The following GALNT2 variants were observed in gnomAD, a reference collection of about 807,000 sequenced individuals.
The protein encoded by GALNT2 is UDP-GalNAc:polypeptide N-acetylgalactosaminyltransferase 2.
GALNT2 carries 31 observed loss-of-function variants against 81.4 expected under a neutral mutation model. The ratio of observed to expected loss-of-function variants is 0.38; its 90% CI spans 0.29 to 0.51. GALNT2 has a LOEUF of 0.51. GALNT2 is among the 20% of genes least tolerant of loss of function. The pLI is 0.87. For missense variants in GALNT2, 629 were observed against 765.7 expected (o/e 0.82, Z 2.11); for synonymous variants, 303 against 287.4 (o/e 1.05, Z -0.55).
In GALNT2 at chr1:230,243,389, G is replaced by A. The variant is rs775654688; in HGVS notation, c.691G>A (p.Glu231Lys). The part of the protein sequence containing the change: ...TFLDSHCECN[E>K]HWLEPLLERV... ...CCTGGACAGTCACTGCGAGTGTAAT[G>A]AGCACTGGCTGGAGCCCCTCCTGGA... Residue 231 changes from glutamate to lysine, a missense_variant, in exon 7 of 16, where the codon GAG (glutamate) becomes AAG (lysine). Transcript: ENST00000366672. The surrounding 1 kb of genome is among the most constrained non-coding windows in gnomAD (Gnocchi z 4.2). 1.9e-6 allele frequency: 3 copies of A among 1,612,734 alleles called. No individual in the cohort carries two copies. The highest frequency in any genetic ancestry group is 1.1e-5 in the South Asian group (1 of 91,034).
chr1:230,169,428 T>G (rs1413278948), intron 1 of GALNT2, among the ~76,000 whole-genome samples: 1 of 152,198 alleles, frequency 6.6e-6, no homozygotes, highest in East Asian at 1.9e-4. Context: ...GCCAGTGCAT[T>G]TGCAAACTAT....
intron 6 of GALNT2, 45 bp downstream of exon 6, chr1:230,236,770 T>C (rs563924214): frequency 6.8e-5 from 106 of 1,560,668 alleles, no homozygotes; most frequent in Non-Finnish European, 8.9e-5. Context: ...GAATTCTGAC[T>C]TTTCCTGTAA....
At chr1:230,215,254 C>T (rs1664353511) in intron 3 of GALNT2, among the ~76,000 whole-genome samples, 2 of 152,204 alleles carry the variant, frequency 1.3e-5, no homozygotes, top group South Asian at 4.1e-4. Context: ...TCCACAGCAC[C>T]TCCAGAAGCT....
intron 1 of GALNT2, among the ~76,000 whole-genome samples, chr1:230,165,109 A>G (rs1398869504): frequency 6.6e-6 from 1 of 152,278 alleles, no homozygotes; most frequent in Non-Finnish European, 1.5e-5. Context: ...ATTCATGAAG[A>G]TAATTAAAGA....
intron 1 of GALNT2, among the ~76,000 whole-genome samples, chr1:230,101,667 G>A (rs561212248): frequency 2.0e-4 from 31 of 152,358 alleles, no homozygotes; most frequent in Admixed American, 5.9e-4. Flanking sequence ...CAACATAAGA[G>A]TGATGGAGGA....
chr1:230,087,554 A>T (rs550227517), intron 1 of GALNT2, among the ~76,000 whole-genome samples: 1 of 152,224 alleles, frequency 6.6e-6, no homozygotes, highest in Non-Finnish European at 1.5e-5. Flanking sequence ...TGAGCTGTAG[A>T]TGCCTATCAC....
At chr1:230,157,253 A>G (rs575961492) in intron 1 of GALNT2, among the ~76,000 whole-genome samples, 3 of 152,222 alleles carry the variant, frequency 2.0e-5, no homozygotes, top group Non-Finnish European at 4.4e-5. Context: ...CGTAAGCACC[A>G]TTATAGCAAA....
At chr1:230,140,566 CG>C in intron 1 of GALNT2, among the ~76,000 whole-genome samples, 1 of 152,128 alleles carries the variant, frequency 6.6e-6, no homozygotes, top group East Asian at 1.9e-4. Context: ...CAGTGGTGCT[CG>C]GGAAACTTCC....
chr1:230,184,394 T>C (rs1473888767), intron 2 of GALNT2, among the ~76,000 whole-genome samples: 1 of 152,046 alleles, frequency 6.6e-6, no homozygotes, highest in Non-Finnish European at 1.5e-5. Context: ...TTTCACCACA[T>C]TAGGCAGGAT....
At position 230,231,778 on chromosome 1, in the gene GALNT2, G is replaced by C. The variant is rs941339168; in HGVS notation, c.375-4236G>C. 2.0e-5 allele frequency among the ~76,000 whole-genome samples: 3 copies of C among 152,166 alleles called. No individual in the cohort carries two copies. In the East Asian group the frequency reaches 5.8e-4, roughly 29 times the overall value. ...TTTAAAGCCTCCATTTTACCGAACAGGAAGTTTGCAGAATGATCACATTAG... is the reference window on the plus strand; with the variant it reads ...TTTAAAGCCTCCATTTTACCGAACACGAAGTTTGCAGAATGATCACATTAG... On this transcript the variant is annotated intron_variant, in intron 3 of 15. Transcript: ENST00000366672.
At chr1:230,252,446 C>G (rs1468927602) in intron 10 of GALNT2, among the ~76,000 whole-genome samples, 1 of 152,182 alleles carries the variant, frequency 6.6e-6, no homozygotes, top group Admixed American at 6.5e-5. Flanking sequence ...GGGGCATCAT[C>G]TGTGTTTCTC....
intron 3 of GALNT2, among the ~76,000 whole-genome samples, chr1:230,228,649 G>A (rs1664785357): frequency 6.6e-6 from 1 of 152,012 alleles, no homozygotes; most frequent in Non-Finnish European, 1.5e-5. Flanking sequence ...GGTCATCTGT[G>A]TGTGTAACCC....
intron 1 of GALNT2, among the ~76,000 whole-genome samples, chr1:230,110,072 C>T (rs1660658464): frequency 6.6e-6 from 1 of 152,222 alleles, no homozygotes; most frequent in South Asian, 2.1e-4. Flanking sequence ...GTGCCTCCCA[C>T]AGGCTGATGC....
intron 1 of GALNT2, among the ~76,000 whole-genome samples, chr1:230,124,601 T>A (rs1222645411): frequency 6.6e-6 from 1 of 152,200 alleles, no homozygotes; most frequent in Non-Finnish European, 1.5e-5. Context: ...GCACTTCTCA[T>A]TGGAGTGATT....
At chr1:230,108,946 T>G (rs79759204) in intron 1 of GALNT2, among the ~76,000 whole-genome samples, 3 of 49,760 alleles carry the variant, frequency 6.0e-5, no homozygotes, top group African/African-American at 1.6e-4. Context: ...TCAGAATTGT[T>G]AAGTCGAGCC....
At chr1:230,261,322 C>G (rs1348709357) in intron 11 of GALNT2, among the ~76,000 whole-genome samples, 1 of 152,050 alleles carries the variant, frequency 6.6e-6, no homozygotes, top group Non-Finnish European at 1.5e-5. Flanking sequence ...GATATAGGCC[C>G]CATACAGAAA....
intron 1 of GALNT2, among the ~76,000 whole-genome samples, chr1:230,166,381 A>G (rs1662604252): frequency 6.6e-6 from 1 of 152,236 alleles, no homozygotes; most frequent in Admixed American, 6.5e-5. Context: ...CACATTTTGC[A>G]TGGTGTGCCT....
chr1:230,211,940 C>A (rs1459536986), intron 3 of GALNT2, among the ~76,000 whole-genome samples: 1 of 152,112 alleles, frequency 6.6e-6, no homozygotes, highest in Admixed American at 6.5e-5. Context: ...AGGATGTGAG[C>A]TCAGTTTGCA....
At chr1:230,126,994 C>G (rs1384705175) in intron 1 of GALNT2, among the ~76,000 whole-genome samples, 1 of 152,188 alleles carries the variant, frequency 6.6e-6, no homozygotes, top group African/African-American at 2.4e-5. Flanking sequence ...TTTCCTCTTC[C>G]TGGTAGTGGG....
Sources: allele counts gnomAD v4.1 joint callset (sites outside exome capture counted in the v4.1 genomes callset), GRCh38; gene constraint gnomAD v4.1.1; non-coding constraint Gnocchi (gnomAD v3.1); transcripts MANE v1.5; gene names NCBI Gene and HGNC (gene_info 2026-07-23, HGNC 2026-07-21).